Variants in SSR1 observed in about 807,000 individuals in gnomAD.
SSR1 encodes the protein translocon-associated protein subunit alpha.
SSR1 carries 13 observed loss-of-function variants against 36.1 expected under a neutral mutation model. The observed-to-expected ratio is 0.36, with a 90% confidence interval of 0.23 to 0.57. SSR1 has a LOEUF of 0.57. Ranked by LOEUF, SSR1 falls within the 20% of genes least tolerant of loss-of-function variation. The pLI is 0.81. For synonymous variants in SSR1, 113 were observed against 118.9 expected, an observed-to-expected ratio of 0.95 and a Z score of 0.32; for missense variants, 291 against 338.5, an observed-to-expected ratio of 0.86 and a Z score of 1.10.
At chr6:7,298,979 G>T (rs1240933002) in intron 4 of SSR1, 156 bp from the exon 5 acceptor site, 2 of 614,312 alleles carry the variant, frequency 3.3e-6, no homozygotes, top group Non-Finnish European at 5.7e-6. Context: ...ATATTCTGTG[G>T]CAGGGACTCA....
chr6:7,290,656 T>TC (rs1162082128), intron 7 of SSR1, among the ~76,000 whole-genome samples: 1 of 152,198 alleles, frequency 6.6e-6, no homozygotes, highest in Non-Finnish European at 1.5e-5. Context: ...TGATTGATTT[T>TC]GCATTCATTG....
chr6:7,303,085 G>T (rs374936225), intron 3 of SSR1, among the ~76,000 whole-genome samples: 3 of 133,712 alleles, frequency 2.2e-5, no homozygotes, highest in African/African-American at 8.6e-5. Context: ...GTTGCAGTGA[G>T]CCGAGATCAT....
chr6:7,309,429 T>A (rs977824839), intron 2 of SSR1, among the ~76,000 whole-genome samples: 1 of 152,232 alleles, frequency 6.6e-6, no homozygotes, highest in Non-Finnish European at 1.5e-5. Flanking sequence ...GCCACTGCAC[T>A]CCAGCCTGGG....
chr6:7,298,389 C>G (rs551022211), intron 5 of SSR1, among the ~76,000 whole-genome samples: 2 of 152,156 alleles, frequency 1.3e-5, no homozygotes, highest in Admixed American at 6.5e-5. Flanking sequence ...AGAACACTTA[C>G]ATTTTTCAAG....
rs1757606855 is a variant in SSR1, at chr6:7,288,538, T to C, written c.*1326A>G. On this transcript the variant is annotated 3_prime_UTR_variant, in exon 8 of 8. Coordinates refer to ENST00000244763, the MANE Select transcript of SSR1 (RefSeq NM_003144.5). ...GTGGGCATGAGCATAGGGGAGGTTA[T>C]ACTGAAAAGGAGAATGAAGAGGTCA... is the stretch of plus-strand genomic sequence containing the variant. 6.6e-6 allele frequency: 1 copy of C among 152,610 alleles called. No individual in the cohort carries two copies. The highest frequency in any genetic ancestry group is 2.1e-4 in the South Asian group (1 of 4,832). The allele number at this position is 152,610 out of a possible 1,614,324, so 9.5% of individuals were successfully genotyped here. A position where few individuals can be genotyped will look rare whatever the true frequency, so the allele number is the denominator to read the frequency against.
At chr6:7,307,306 T>C (rs1382992779) in intron 2 of SSR1, among the ~76,000 whole-genome samples, 1 of 152,220 alleles carries the variant, frequency 6.6e-6, no homozygotes, top group African/African-American at 2.4e-5. Context: ...ATACTTTTCC[T>C]GCCTTTCTAT....
chr6:7,312,936 G>C lies in SSR1; in HGVS notation c.79+106C>G, dbSNP rs567246533. 8.5e-4 allele frequency: 986 copies of C among 1,153,400 alleles called. 1 individual carries two copies. Among genetic ancestry groups the C allele is most frequent in the Middle Eastern group, 1.5e-3 (7 of 4,786 alleles). 71.4% of individuals were successfully genotyped at this position (1,153,400 alleles called of 1,614,324 possible). On this transcript the variant is annotated intron_variant, in intron 1 of 7. Coordinates refer to ENST00000244763, the MANE Select transcript of SSR1 (RefSeq NM_003144.5). ...GAGGGCGGAGAGAGGCCAGCGGGGT[G>C]GACGCGGACCCCAGGACCCGGAGCG...
intron 2 of SSR1, among the ~76,000 whole-genome samples, chr6:7,306,616 GA>G (rs1412282370): frequency 6.6e-6 from 1 of 151,924 alleles, no homozygotes; most frequent in Non-Finnish European, 1.5e-5. Flanking sequence ...CAATGGGTTA[GA>G]AAAGCCCAAG....
At position 7,306,922 on chromosome 6, in the gene SSR1, TG is replaced by T. The variant is rs139862673; in HGVS notation, c.192+2994del. On this transcript the variant is annotated intron_variant, in intron 2 of 7. Transcript: ENST00000244763. ...ACAGAGCGAGACTCTGTCTGGGTGG[TG>T]GGGGGGTGGGGGAAAGCCCAAGGTG... 7.0e-5 allele frequency among the ~76,000 whole-genome samples: 5 copies of T among 71,030 alleles called. No individual in the cohort carries two copies. In the East Asian group the frequency reaches 1.3e-3, roughly 18 times the overall value. 46.6% of individuals were successfully genotyped at this position (71,030 alleles called of 152,430 possible).
chr6:7,311,892 CAA>C (rs1311007614), intron 1 of SSR1, among the ~76,000 whole-genome samples: 2 of 152,020 alleles, frequency 1.3e-5, no homozygotes, highest in Non-Finnish European at 2.9e-5. Context: ...CTACATTTGT[CAA>C]GTTTTCTTTT....
At chr6:7,305,839 G>T (rs1339789435) in intron 2 of SSR1, among the ~76,000 whole-genome samples, 3 of 152,192 alleles carry the variant, frequency 2.0e-5, no homozygotes, top group African/African-American at 4.8e-5. Flanking sequence ...CTCATTTAGG[G>T]ATTTAAACAT....
At chr6:7,295,249 ATCAC>A in intron 7 of SSR1, 139 bp downstream of exon 7, 1 of 1,080,542 alleles carries the variant, frequency 9.3e-7, no homozygotes, top group Non-Finnish European at 1.3e-6. Flanking sequence ...GTCTTAATTA[ATCAC>A]TATACTAGAT....
intron 2 of SSR1, among the ~76,000 whole-genome samples, chr6:7,308,565 G>A (rs918774669): frequency 6.6e-6 from 1 of 152,152 alleles, no homozygotes; most frequent in Non-Finnish European, 1.5e-5. Context: ...TTAACTAGAT[G>A]CATGCTGCAA....
At chr6:7,310,956 T>C (rs1347906872) in intron 1 of SSR1, among the ~76,000 whole-genome samples, 1 of 152,170 alleles carries the variant, frequency 6.6e-6, no homozygotes, top group Non-Finnish European at 1.5e-5. Context: ...GTTCTAATGT[T>C]CTATGTAGGA....
At chr6:7,299,854 ATTC>A (rs1208797443) in intron 4 of SSR1, among the ~76,000 whole-genome samples, 1 of 152,218 alleles carries the variant, frequency 6.6e-6, no homozygotes, top group African/African-American at 2.4e-5. Flanking sequence ...ATACACAGCT[ATTC>A]TTCACAAAGG....
chr6:7,299,875 T>C (rs1301986455), intron 4 of SSR1, among the ~76,000 whole-genome samples: 3 of 152,170 alleles, frequency 2.0e-5, no homozygotes, highest in Non-Finnish European at 2.9e-5. Flanking sequence ...AGGTAGTACA[T>C]TGTCAAAACT....
Position 7,303,606 on chromosome 6 carries a change from C to A in SSR1, c.224G>T (p.Gly75Val), listed in dbSNP as rs758860244. 2.5e-6 allele frequency: 4 copies of A among 1,613,300 alleles called. No homozygotes were observed. Among genetic ancestry groups the A allele is most frequent in the Non-Finnish European group, 3.4e-6 (4 of 1,179,606 alleles). The change falls in exon 3 of 8, where the codon GGT becomes GTT. Residue 75 changes from glycine to valine, a missense_variant. Gly to Val is a moderately radical substitution (Grantham distance 109, BLOSUM62 -3). Transcript: ENST00000244763. ...VEDKEEEDVS[G>V]EPEASPSADT... ...TGCACTCGGTGAAGCTTCAGGTTCA[C>A]CAGACACATCTTCTTCCTCTTTATC... is the stretch of plus-strand genomic sequence containing the variant.
chr6:7,310,198 C>T (rs1393270628), intron 1 of SSR1, among the ~76,000 whole-genome samples, 169 bp from the exon 2 acceptor site: 1 of 151,242 alleles, frequency 6.6e-6, no homozygotes, highest in Non-Finnish European at 1.5e-5. Flanking sequence ...TTTTAGTTTA[C>T]TAGTAGTCTT....
At chr6:7,304,787 T>C (rs894852294) in intron 2 of SSR1, among the ~76,000 whole-genome samples, 7 of 152,210 alleles carry the variant, frequency 4.6e-5, no homozygotes, top group South Asian at 4.1e-4. Context: ...ATTGAGATGC[T>C]TCAGGATGCC....
Sources: gnomAD v4.1 joint callset for allele counts (sites outside exome capture counted in the v4.1 genomes callset) on GRCh38, gnomAD v4.1.1 for gene constraint, MANE v1.5 for transcripts, NCBI Gene and HGNC (gene_info 2026-07-23, HGNC 2026-07-21) for gene names.